The following VIT variants were observed in gnomAD, a reference collection of about 807,000 sequenced individuals.
VIT encodes the protein vitrin.
Under a neutral mutation model 78.0 loss-of-function variants are expected in VIT, and 99 were observed. That is an observed-to-expected ratio of 1.27 (90% CI 1.08 to 1.50). The LOEUF (loss-of-function observed/expected upper bound fraction) is 1.50. Among genes scored for constraint, VIT ranks in the 40% most tolerant of loss-of-function variants. The probability of loss-of-function intolerance (pLI) is 0.00; values close to 1 mark genes in which losing one functional copy is unlikely to be tolerated. For synonymous variants in VIT, 374 were observed against 334.3 expected, an observed-to-expected ratio of 1.12 and a Z score of -1.29; for missense variants, 1,126 against 875.3, an observed-to-expected ratio of 1.29 and a Z score of -3.61.
chr2:36,801,275 T>C, intron 12 of VIT, 26 bp from the exon 13 acceptor site: 2 of 1,586,414 alleles, frequency 1.3e-6, no homozygotes. Flanking sequence ...TGCAGCTAAT[T>C]TGTATTTCTT....
chr2:36,703,206 C>G (rs1186271590), intron 1 of VIT, among the ~76,000 whole-genome samples: 2 of 152,226 alleles, frequency 1.3e-5, no homozygotes, highest in Non-Finnish European at 2.9e-5. Flanking sequence ...CTGATGACCT[C>G]TCCATGCAAG....
intron 2 of VIT, among the ~76,000 whole-genome samples, chr2:36,720,191 C>T (rs1362595134): frequency 6.6e-6 from 1 of 152,046 alleles, no homozygotes; most frequent in Non-Finnish European, 1.5e-5. Flanking sequence ...CAAAGCAATC[C>T]TGAGCAAAAA....
chr2:36,757,105 G>A (rs1668813180), intron 5 of VIT, among the ~76,000 whole-genome samples: 1 of 152,208 alleles, frequency 6.6e-6, no homozygotes, highest in Non-Finnish European at 1.5e-5. Context: ...GCTCACTGCA[G>A]CATAAGCATT....
chr2:36,793,115 C>G (rs1426961768), intron 12 of VIT, among the ~76,000 whole-genome samples: 1 of 152,096 alleles, frequency 6.6e-6, no homozygotes, highest in Admixed American at 6.5e-5. Flanking sequence ...TGCCCCACTT[C>G]CCCAACACTC....
In VIT at chr2:36,696,876, T is replaced by C. The variant is rs1489926043; in HGVS notation, c.-116T>C. Reference sequence around the variant, plus strand: ...TCCCTGTTTCTTCCTTAGAATAATTTGGATGGGATTTGTGATGCAGGAAAG... The same window carrying C: ...TCCCTGTTTCTTCCTTAGAATAATTCGGATGGGATTTGTGATGCAGGAAAG... On this transcript the variant is annotated 5_prime_UTR_variant, in exon 1 of 16. Transcript: ENST00000379242. 1 of 152,164 alleles carries C rather than the reference T, an allele frequency of 6.6e-6. No homozygotes were observed. The highest frequency in any genetic ancestry group is 1.5e-5 in the Non-Finnish European group (1 of 68,030). 9.4% of individuals were successfully genotyped at this position (152,164 alleles called of 1,614,324 possible). A position where few individuals can be genotyped will look rare whatever the true frequency, so the allele number is the denominator to read the frequency against.
At chr2:36,757,031 A>G (rs1024813606) in intron 5 of VIT, among the ~76,000 whole-genome samples, 2 of 152,180 alleles carry the variant, frequency 1.3e-5, no homozygotes, top group African/African-American at 4.8e-5. Flanking sequence ...CTTTTTGCCA[A>G]TGATAATAAA....
At chr2:36,766,809 A>C (rs1053053558) in intron 6 of VIT, among the ~76,000 whole-genome samples, 26 of 152,250 alleles carry the variant, frequency 1.7e-4, no homozygotes, top group African/African-American at 5.8e-4. Context: ...AGGCAAATTA[A>C]TTCAGCAATT....
chr2:36,704,708 A>G (rs904582581), intron 1 of VIT, among the ~76,000 whole-genome samples: 21 of 152,230 alleles, frequency 1.4e-4, no homozygotes, highest in African/African-American at 5.1e-4. Context: ...CGTTTTACCC[A>G]GGTCTCTGGT....
chr2:36,709,660 A>T (rs1218747868), intron 1 of VIT, among the ~76,000 whole-genome samples: 3 of 152,110 alleles, frequency 2.0e-5, no homozygotes, highest in Non-Finnish European at 4.4e-5. Context: ...TGAAAGATGG[A>T]TGGGTTTGTG....
chr2:36,723,009 A>G (rs1573151620), intron 2 of VIT, among the ~76,000 whole-genome samples: 1 of 151,124 alleles, frequency 6.6e-6, no homozygotes, highest in South Asian at 2.1e-4. Context: ...TTTATATTAA[A>G]TACAAATGTA....
intron 12 of VIT, among the ~76,000 whole-genome samples, chr2:36,800,709 C>T (rs1666261326): frequency 6.6e-6 from 1 of 152,208 alleles, no homozygotes; most frequent in Admixed American, 6.5e-5. Flanking sequence ...TGTTTTTCCA[C>T]TGAATTCACT....
chr2:36,806,540 AC>A (rs1666739772), intron 14 of VIT, among the ~76,000 whole-genome samples: 1 of 150,874 alleles, frequency 6.6e-6, no homozygotes, highest in African/African-American at 2.4e-5. Flanking sequence ...CACTGCTTCC[AC>A]CTTTATCTCT....
chr2:36,717,340 G>A (rs1185192017), intron 2 of VIT, among the ~76,000 whole-genome samples: 44 of 20,936 alleles, frequency 2.1e-3, no homozygotes, highest in Non-Finnish European at 3.2e-3. Flanking sequence ...GCTAATGTGT[G>A]TGTGTGTGTG....
intron 3 of VIT, among the ~76,000 whole-genome samples, chr2:36,740,286 G>A (rs575704557): frequency 2.0e-5 from 3 of 152,286 alleles, no homozygotes; most frequent in African/African-American, 4.8e-5. Context: ...TAAGTGGAGC[G>A]GTGGAAGATT....
chr2:36,703,919 GTTTGTTTTTTGTTTTTGT>G (rs1237994529), intron 1 of VIT, among the ~76,000 whole-genome samples: 1 of 18,892 alleles, frequency 5.3e-5, no homozygotes, highest in Non-Finnish European at 1.5e-4. Flanking sequence ...GTTTTTTTTT[GTTTGTTTTTTGTTTTTGT>G]TTTTTTTTTT....
intron 1 of VIT, among the ~76,000 whole-genome samples, chr2:36,715,139 C>T (rs781064663): frequency 5.9e-5 from 9 of 152,192 alleles, no homozygotes; most frequent in Non-Finnish European, 1.2e-4. Flanking sequence ...TAGTCTCTCT[C>T]CTTCTAAAAT....
chr2:36,810,268 G>C (rs1345443163), intron 15 of VIT, among the ~76,000 whole-genome samples: 1 of 152,270 alleles, frequency 6.6e-6, no homozygotes, highest in Non-Finnish European at 1.5e-5. Context: ...CTCCAGCCTG[G>C]GCAACAAGAG....
At chr2:36,759,936 A>G (rs1669003709) in intron 6 of VIT, among the ~76,000 whole-genome samples, 1 of 152,116 alleles carries the variant, frequency 6.6e-6, no homozygotes, top group Non-Finnish European at 1.5e-5. Context: ...AGTTAAGTAA[A>G]TTAACTTCCA....
chr2:36,702,317 C>T (rs1462348340), intron 1 of VIT, among the ~76,000 whole-genome samples: 1 of 152,122 alleles, frequency 6.6e-6, no homozygotes, highest in Non-Finnish European at 1.5e-5. Flanking sequence ...CCTCAATTTC[C>T]CCCAGACACC....
Sources: gnomAD v4.1 joint callset for allele counts (sites outside exome capture counted in the v4.1 genomes callset) on GRCh38, gnomAD v4.1.1 for gene constraint, MANE v1.5 for transcripts, NCBI Gene and HGNC (gene_info 2026-07-23, HGNC 2026-07-21) for gene names.